Variants in ZNF438 observed in about 807,000 individuals in gnomAD.
ZNF438 encodes zinc finger protein 438.
ZNF438 carries 25 observed loss-of-function variants against 38.0 expected under a neutral mutation model. That is an observed-to-expected ratio of 0.66 (90% CI 0.48 to 0.92). The LOEUF is 0.92. Ranked by LOEUF, ZNF438 falls within the 40% of genes least tolerant of loss-of-function variation. The probability of loss-of-function intolerance (pLI) is 0.00; values close to 1 mark genes in which losing one functional copy is unlikely to be tolerated. For synonymous variants in ZNF438, 372 were observed against 364.1 expected, an observed-to-expected ratio of 1.02 and a Z score of -0.25; for missense variants, 1,007 against 999.6, an observed-to-expected ratio of 1.01 and a Z score of -0.10.
chr10:30,867,092 A>C (rs1040802677), intron 4 of ZNF438, among the ~76,000 whole-genome samples: 2 of 152,192 alleles, frequency 1.3e-5, no homozygotes, highest in Non-Finnish European at 2.9e-5. Context: ...CCATCTGACA[A>C]ACTTTGGCAT....
intron 1 of ZNF438, among the ~76,000 whole-genome samples, chr10:30,968,780 G>A (rs1488693562): frequency 6.6e-6 from 1 of 152,050 alleles, no homozygotes; most frequent in Non-Finnish European, 1.5e-5. Flanking sequence ...CTATAGTGAA[G>A]GCATGGTAAA....
At chr10:30,967,847 C>T (rs890639789) in intron 1 of ZNF438, among the ~76,000 whole-genome samples, 4 of 152,098 alleles carry the variant, frequency 2.6e-5, no homozygotes, top group African/African-American at 9.7e-5. Context: ...AAAGGAATTA[C>T]AACTCAGTAA....
At chr10:30,867,258 T>C (rs947236146) in intron 4 of ZNF438, among the ~76,000 whole-genome samples, 5 of 152,206 alleles carry the variant, frequency 3.3e-5, no homozygotes, top group African/African-American at 1.2e-4. Flanking sequence ...TCAAACTATC[T>C]TCAATGAAGC....
At chr10:30,909,416 A>G (rs2042876565) in intron 2 of ZNF438, among the ~76,000 whole-genome samples, 1 of 152,186 alleles carries the variant, frequency 6.6e-6, no homozygotes, top group South Asian at 2.1e-4. Flanking sequence ...TTCCAAATAC[A>G]TCAAAACTTT....
chr10:30,994,402 G>A (rs186462065), intron 1 of ZNF438, among the ~76,000 whole-genome samples: 79 of 152,338 alleles, frequency 5.2e-4, no homozygotes, highest in African/African-American at 1.8e-3. Context: ...GAATGGATTA[G>A]TAGATTAATA....
At chr10:30,917,114 A>G (rs2043730212) in intron 2 of ZNF438, among the ~76,000 whole-genome samples, 1 of 152,044 alleles carries the variant, frequency 6.6e-6, no homozygotes, top group Non-Finnish European at 1.5e-5. Context: ...TTGTTCCTTC[A>G]AAATCCTTCC....
rs553032221 is a variant in ZNF438 at position 30,991,378 on chromosome 10, T to C, written c.-192+40455A>G. On this transcript the variant is annotated intron_variant, in intron 1 of 5. Coordinates refer to ENST00000413025, the Ensembl canonical transcript of ZNF438. Reference sequence around the variant, plus strand: ...CATTTGTGGGGCAAAAGTTCTACTCTAGGTGCAGCAGGCTGAAAACACTGG... The same window carrying C: ...CATTTGTGGGGCAAAAGTTCTACTCCAGGTGCAGCAGGCTGAAAACACTGG... 1.5e-3 allele frequency among the ~76,000 whole-genome samples: 221 copies of C among 152,330 alleles called. 1 individual carries two copies. The highest frequency in any genetic ancestry group is 5.1e-3 in the African/African-American group (212 of 41,578).
At chr10:30,972,161 G>C (rs1256822385) in intron 1 of ZNF438, among the ~76,000 whole-genome samples, 1 of 152,066 alleles carries the variant, frequency 6.6e-6, no homozygotes, top group Non-Finnish European at 1.5e-5. Context: ...AGTAGATACG[G>C]GGTTTCACCT....
At chr10:30,905,799 CA>C (rs900755579) in intron 3 of ZNF438, among the ~76,000 whole-genome samples, 3 of 152,208 alleles carry the variant, frequency 2.0e-5, no homozygotes, top group African/African-American at 7.2e-5. Context: ...TGAGGATATC[CA>C]CTTGTCCCAA....
At chr10:30,872,562 A>G (rs2037640571) in intron 4 of ZNF438, among the ~76,000 whole-genome samples, 1 of 151,176 alleles carries the variant, frequency 6.6e-6, no homozygotes, top group African/African-American at 2.4e-5. Flanking sequence ...CAACCTGGCT[A>G]ACATGGTGAA....
intron 2 of ZNF438, among the ~76,000 whole-genome samples, chr10:30,939,648 A>C (rs2046612187): frequency 8.5e-6 from 1 of 117,166 alleles, no homozygotes; most frequent in South Asian, 2.6e-4. Flanking sequence ...TACAGGTAAA[A>C]GTCTCTCCTG....
At chr10:31,010,920 A>T (rs891411837) in intron 1 of ZNF438, among the ~76,000 whole-genome samples, 2 of 127,136 alleles carry the variant, frequency 1.6e-5, no homozygotes, top group Non-Finnish European at 3.4e-5. Flanking sequence ...AAAAAAAAAA[A>T]AAGATTTTGT....
chr10:31,032,240 T>A (rs1461011747), upstream of ZNF438, among the ~76,000 whole-genome samples: 10 of 152,168 alleles, frequency 6.6e-5, no homozygotes, highest in African/African-American at 1.9e-4. Context: ...TGAGGTAGTT[T>A]TTCCACAGAC....
At chr10:30,862,067 C>T (rs7075066) in intron 4 of ZNF438, among the ~76,000 whole-genome samples, 150,640 of 152,338 alleles carry the variant, frequency 0.99, 74,495 homozygotes, top group East Asian at 1. Flanking sequence ...TGGACCTTGA[C>T]AACTGAACTC....
rs532198516 is a variant in ZNF438, at chr10:31,028,794, T to C, written c.-192+3039A>G. 2.0e-5 allele frequency among the ~76,000 whole-genome samples: 3 copies of C among 152,292 alleles called. No homozygotes were observed. In the South Asian group the frequency reaches 6.2e-4, roughly 32 times the overall value. The stretch of plus-strand genomic sequence containing the variant: ...CTAACATCTACTACACAGCAGGCAC[T>C]GGATTAGGGACTAGAGATAGAGAAG... On this transcript the variant is annotated intron_variant, in intron 1 of 5. Transcript: ENST00000413025.
intron 4 of ZNF438, among the ~76,000 whole-genome samples, chr10:30,856,896 A>G (rs563144204): frequency 6.6e-6 from 1 of 152,338 alleles, no homozygotes; most frequent in Admixed American, 6.5e-5. Flanking sequence ...TTGGTGAGAA[A>G]TTGATCTAGC....
At chr10:30,930,439 A>G (rs1163931511) in intron 2 of ZNF438, among the ~76,000 whole-genome samples, 4 of 151,962 alleles carry the variant, frequency 2.6e-5, no homozygotes, top group African/African-American at 2.4e-5. Context: ...ATCTCCCCAC[A>G]AGCAGAGGGA....
intron 1 of ZNF438, among the ~76,000 whole-genome samples, chr10:30,993,872 G>A (rs551279629): frequency 3.9e-5 from 6 of 152,260 alleles, no homozygotes; most frequent in African/African-American, 9.6e-5. Context: ...CCCTGCACCC[G>A]TGTGCCCATG....
chr10:30,928,174 C>A (rs2045189281), intron 2 of ZNF438, among the ~76,000 whole-genome samples: 1 of 152,142 alleles, frequency 6.6e-6, no homozygotes, highest in Non-Finnish European at 1.5e-5. Context: ...ATAATATTTA[C>A]ACACTAGAAT....
Sources: gnomAD v4.1 joint callset for allele counts (sites outside exome capture counted in the v4.1 genomes callset) on GRCh38, gnomAD v4.1.1 for gene constraint, MANE v1.5 for transcripts, NCBI Gene and HGNC (gene_info 2026-07-23, HGNC 2026-07-21) for gene names.